The following PHKB variants were observed in gnomAD, a reference collection of about 807,000 sequenced individuals.
The protein encoded by PHKB is phosphorylase kinase regulatory subunit beta.
Under a neutral mutation model 152.1 loss-of-function variants are expected in PHKB, and 122 were observed. That is an observed-to-expected ratio of 0.80 (90% CI 0.69 to 0.93). The LOEUF (loss-of-function observed/expected upper bound fraction) is 0.93. Among genes scored for constraint, PHKB ranks in the 40% least tolerant of loss-of-function variants. The probability of loss-of-function intolerance (pLI) is 0.00; values close to 1 mark genes in which losing one functional copy is unlikely to be tolerated. For missense variants in PHKB, 1,304 were observed against 1,328.4 expected, an observed-to-expected ratio of 0.98 and a Z score of 0.29; for synonymous variants, 436 against 464.9, an observed-to-expected ratio of 0.94 and a Z score of 0.80.
At chr16:47,546,782 T>G (rs1971175170) in intron 6 of PHKB, among the ~76,000 whole-genome samples, 1 of 152,032 alleles carries the variant, frequency 6.6e-6, no homozygotes, top group African/African-American at 2.4e-5. Flanking sequence ...CCTGGCTGCT[T>G]TGTTTACCTA....
At chr16:47,574,444 T>C (rs1197371581) in intron 7 of PHKB, among the ~76,000 whole-genome samples, 1 of 152,262 alleles carries the variant, frequency 6.6e-6, no homozygotes, top group East Asian at 1.9e-4. Context: ...AGTTACTGTG[T>C]TTCTTCTTGG....
intron 1 of PHKB, among the ~76,000 whole-genome samples, chr16:47,486,661 C>A (rs904603836): frequency 1.3e-5 from 2 of 152,174 alleles, no homozygotes; most frequent in African/African-American, 2.4e-5. Context: ...TCGTCACCCT[C>A]CTGTGTGCAT....
At chr16:47,518,171 C>T (rs1481463711) in intron 6 of PHKB, among the ~76,000 whole-genome samples, 1 of 152,030 alleles carries the variant, frequency 6.6e-6, no homozygotes, top group Non-Finnish European at 1.5e-5. Flanking sequence ...GTGGGATTAC[C>T]GTTTATTTCC....
intron 7 of PHKB, among the ~76,000 whole-genome samples, chr16:47,559,050 C>G (rs1971431555): frequency 6.6e-6 from 1 of 152,150 alleles, no homozygotes; most frequent in African/African-American, 2.4e-5. Context: ...ATATGTACCT[C>G]ACACTGTAGG....
intron 6 of PHKB, among the ~76,000 whole-genome samples, chr16:47,522,814 G>A (rs1234252819): frequency 6.6e-6 from 1 of 151,614 alleles, no homozygotes; most frequent in Non-Finnish European, 1.5e-5. Context: ...TAGTAGTACA[G>A]TTTTTAATTT....
At chr16:47,530,474 T>C (rs745484355) in intron 6 of PHKB, among the ~76,000 whole-genome samples, 1 of 152,170 alleles carries the variant, frequency 6.6e-6, no homozygotes, top group African/African-American at 2.4e-5. Context: ...TTTAACATTG[T>C]ACAGGTGACC....
intron 6 of PHKB, among the ~76,000 whole-genome samples, chr16:47,521,696 G>T (rs1970688205): frequency 6.6e-6 from 1 of 151,770 alleles, no homozygotes; most frequent in South Asian, 2.1e-4. Flanking sequence ...TTATCTGTGG[G>T]TTTTTTTGGA....
chr16:47,547,991 C>G (rs1162706079), intron 7 of PHKB: 2 of 186,414 alleles, frequency 1.1e-5, no homozygotes, highest in Admixed American at 5.6e-5. Flanking sequence ...TTACACTGTT[C>G]ACATAAAACT....
In PHKB at chr16:47,641,683, G is replaced by A. The variant is rs756341301; in HGVS notation, c.1599G>A (p.Glu533=). The change falls in exon 16 of 31, where the codon GAG becomes GAA. Residue 533 remains glutamate, a synonymous_variant. Coordinates refer to ENST00000323584, the MANE Select transcript of PHKB (RefSeq NM_000293.3). ...VEPIQIWPQQ[E]LVKAYLQLGI... ...CCATTCAGATATGGCCTCAGCAGGA[G>A]CTTGTGAAAGTAAGTGATTCTGCCT... The A allele has an allele frequency of 1.5e-5, 23 of 1,564,128 alleles. No individual in the cohort carries two copies. In the Admixed American group the frequency reaches 2.8e-4, roughly 19 times the overall value.
intron 1 of PHKB, among the ~76,000 whole-genome samples, chr16:47,494,299 C>A (rs1340360647): frequency 2.0e-5 from 3 of 152,314 alleles, no homozygotes; most frequent in South Asian, 2.1e-4. Context: ...CTGAATATAT[C>A]TTCTGATTAG....
At chr16:47,489,136 C>T (rs991684860) in intron 1 of PHKB, among the ~76,000 whole-genome samples, 1 of 152,072 alleles carries the variant, frequency 6.6e-6, no homozygotes, top group African/African-American at 2.4e-5. Flanking sequence ...TCACTGTGAC[C>T]ACCTCCCAAG....
intron 25 of PHKB, 41 bp downstream of exon 25, chr16:47,665,016 G>A (rs756240560): frequency 7.6e-7 from 1 of 1,316,794 alleles, no homozygotes; most frequent in Non-Finnish European, 1.1e-6. Context: ...TGCTTGAAAT[G>A]TGTGGGCTTA....
At chr16:47,466,716 T>G (rs1386889311) in intron 1 of PHKB, among the ~76,000 whole-genome samples, 1 of 152,236 alleles carries the variant, frequency 6.6e-6, no homozygotes, top group African/African-American at 2.4e-5. Context: ...TATTGTATAT[T>G]CTGGGCAAAA....
intron 7 of PHKB, among the ~76,000 whole-genome samples, chr16:47,556,611 G>A (rs968114173): frequency 1.5e-4 from 23 of 152,192 alleles, no homozygotes; most frequent in African/African-American, 5.5e-4. Context: ...GCATCCCAGG[G>A]ATGAAGCCCA....
intron 14 of PHKB, among the ~76,000 whole-genome samples, chr16:47,631,255 G>A (rs964034565): frequency 2.6e-5 from 4 of 152,208 alleles, no homozygotes; most frequent in East Asian, 1.9e-4. Flanking sequence ...CTGGACATAC[G>A]TGCAGTCAGG....
chr16:47,613,334 G>T (rs1269739488), intron 14 of PHKB, among the ~76,000 whole-genome samples: 2 of 152,214 alleles, frequency 1.3e-5, no homozygotes, highest in African/African-American at 4.8e-5. Context: ...CTTACTTACT[G>T]TAGTGAGGAT....
intron 6 of PHKB, among the ~76,000 whole-genome samples, chr16:47,532,538 G>A (rs1213627079): frequency 1.3e-5 from 2 of 152,248 alleles, no homozygotes; most frequent in East Asian, 1.9e-4. Context: ...CAAGTGTAGG[G>A]TCTGGACACT....
At chr16:47,593,185 G>C (rs1401131314) in intron 10 of PHKB, among the ~76,000 whole-genome samples, 2 of 147,354 alleles carry the variant, frequency 1.4e-5, no homozygotes. Context: ...GAGAGAGAGA[G>C]GGAGGGAGAG....
intron 1 of PHKB, among the ~76,000 whole-genome samples, chr16:47,485,660 G>A (rs543483204): frequency 2.6e-5 from 4 of 152,152 alleles, no homozygotes; most frequent in East Asian, 3.9e-4. Context: ...TCACTCTGTC[G>A]CCAGGCTGGA....
Sources: gnomAD v4.1 joint callset for allele counts (sites outside exome capture counted in the v4.1 genomes callset) on GRCh38, gnomAD v4.1.1 for gene constraint, MANE v1.5 for transcripts, NCBI Gene and HGNC (gene_info 2026-07-23, HGNC 2026-07-21) for gene names.